The following SLC7A1 variants were observed in gnomAD, a reference collection of about 807,000 sequenced individuals.
The protein encoded by SLC7A1 is solute carrier family 7 member 1.
In SLC7A1, 10 loss-of-function variants were observed where a neutral mutation model predicts 53.9. The observed-to-expected ratio is 0.19, with a 90% CI of 0.11 to 0.31. The LOEUF (loss-of-function observed/expected upper bound fraction) is 0.31. Ranked by LOEUF, SLC7A1 falls within the 10% of genes least tolerant of loss-of-function variation. SLC7A1 has a pLI of 1.00. For synonymous variants in SLC7A1, 342 were observed against 338.7 expected, an observed-to-expected ratio of 1.01 and a Z score of -0.11; for missense variants, 525 against 827.2, an observed-to-expected ratio of 0.63 and a Z score of 4.48.
intron 1 of SLC7A1, among the ~76,000 whole-genome samples, chr13:29,584,311 A>G (rs1871784907): frequency 6.6e-6 from 1 of 151,980 alleles, no homozygotes; most frequent in African/African-American, 2.4e-5. Context: ...ATGCCCAGCT[A>G]ATTTTTTGTA....
intron 11 of SLC7A1, 192 bp downstream of exon 11, chr13:29,516,952 G>C: frequency 2.0e-6 from 1 of 505,926 alleles, no homozygotes; most frequent in Non-Finnish European, 3.4e-6. Context: ...CAGGGGAGAA[G>C]GGCTGCTGCC....
At chr13:29,571,455 C>A (rs564393074) in intron 1 of SLC7A1, among the ~76,000 whole-genome samples, 14 of 152,318 alleles carry the variant, frequency 9.2e-5, no homozygotes, top group Admixed American at 3.3e-4. Flanking sequence ...CTTGGCGGTG[C>A]CTGAATGCAG....
intron 1 of SLC7A1, among the ~76,000 whole-genome samples, chr13:29,581,704 C>G (rs1036563821): frequency 2.0e-5 from 3 of 152,218 alleles, no homozygotes; most frequent in African/African-American, 7.2e-5. Context: ...GCCCCTGAGG[C>G]ACACCCCCAA....
intron 1 of SLC7A1, 32 bp downstream of exon 1, chr13:29,595,384 T>A (rs77871962): frequency 0.019 from 2,864 of 151,706 alleles, 59 homozygotes; most frequent in East Asian, 0.044. Flanking sequence ...CCCAAGGAGC[T>A]GCCCCCTGCG....
At chr13:29,533,144 G>A (rs895765917) in intron 3 of SLC7A1, among the ~76,000 whole-genome samples, 162 bp from the exon 4 acceptor site, 2 of 152,158 alleles carry the variant, frequency 1.3e-5, no homozygotes, top group Admixed American at 6.5e-5. Flanking sequence ...CAGAAGTGAC[G>A]GTCGACTAGT....
At chr13:29,531,958 T>C (rs1017719560) in intron 4 of SLC7A1, among the ~76,000 whole-genome samples, 1 of 152,178 alleles carries the variant, frequency 6.6e-6, no homozygotes, top group South Asian at 2.1e-4. Context: ...AACAACAATA[T>C]ATTGTTTCTT....
intron 1 of SLC7A1, among the ~76,000 whole-genome samples, chr13:29,566,527 G>A (rs1314453940): frequency 6.6e-6 from 1 of 152,224 alleles, no homozygotes; most frequent in Admixed American, 6.5e-5. Flanking sequence ...CAGACATAAA[G>A]GGTCACATTC....
At chr13:29,577,696 C>G (rs1335560485) in intron 1 of SLC7A1, among the ~76,000 whole-genome samples, 2 of 152,212 alleles carry the variant, frequency 1.3e-5, no homozygotes, top group Non-Finnish European at 1.5e-5. Context: ...TGCCACATAG[C>G]CTGTACTTGG....
At chr13:29,572,985 C>G (rs1475105489) in intron 1 of SLC7A1, among the ~76,000 whole-genome samples, 1 of 152,156 alleles carries the variant, frequency 6.6e-6, no homozygotes, top group Admixed American at 6.5e-5. Flanking sequence ...CTGCCACAGA[C>G]AAGTGGCTGG....
rs2776958 is a variant in SLC7A1 at position 29,524,089 on chromosome 13, A to T, written c.826+43T>A. On this transcript the variant is annotated intron_variant, in intron 6 of 12. Transcript: ENST00000380752. ...ATGGCAAGCATTGGCTTGTTTGCCC[A>T]GGGTGCAGGAGGACCCGGGACCGCA... 4 of 1,604,068 alleles carry T rather than the reference A, an allele frequency of 2.5e-6. No homozygotes were observed. The East Asian group carries it at 6.7e-5, about 27-fold the overall frequency.
chr13:29,564,998 A>G (rs57363571), intron 1 of SLC7A1, among the ~76,000 whole-genome samples: 2,185 of 152,356 alleles, frequency 0.014, 55 homozygotes, highest in African/African-American at 0.05. Flanking sequence ...CTACACAAAG[A>G]GATAAATGCA....
At chr13:29,554,773 T>C (rs1259039172) in intron 1 of SLC7A1, among the ~76,000 whole-genome samples, 2 of 152,200 alleles carry the variant, frequency 1.3e-5, no homozygotes, top group Non-Finnish European at 2.9e-5. Flanking sequence ...GCAAACCAGA[T>C]TTCCCACAAT....
intron 1 of SLC7A1, among the ~76,000 whole-genome samples, chr13:29,567,056 G>A (rs1870997216): frequency 6.6e-6 from 1 of 152,176 alleles, no homozygotes; most frequent in Non-Finnish European, 1.5e-5. Flanking sequence ...TGCTTTGAGA[G>A]TTTCACGAGG....
intron 1 of SLC7A1, among the ~76,000 whole-genome samples, chr13:29,569,423 C>G (rs965421940): frequency 3.3e-5 from 5 of 152,170 alleles, no homozygotes; most frequent in African/African-American, 1.2e-4. Flanking sequence ...ACTGCCCATC[C>G]TGAGAATGCA....
rs141349204 is a variant in SLC7A1 at position 29,536,110 on chromosome 13, G to T, written c.79C>A (p.Arg27=). ...KVVDCSREET[R]LSRCLNTFDL... Reference sequence around the variant, plus strand: ...AAAGTGTTCAGGCAGCGAGACAGCCGCGTCTCCTCCCGGCTACAGTCCACC... The same window carrying T: ...AAAGTGTTCAGGCAGCGAGACAGCCTCGTCTCCTCCCGGCTACAGTCCACC... Residue 27 remains arginine, a synonymous_variant, in exon 3 of 13, where the codon CGG becomes AGG. Transcript: ENST00000380752. The T allele has an allele frequency of 2.5e-6, 4 of 1,613,984 alleles. No homozygotes were observed. In the East Asian group the frequency reaches 6.7e-5, roughly 27 times the overall value.
At chr13:29,538,103 T>C (rs1869506402) in intron 2 of SLC7A1, among the ~76,000 whole-genome samples, 1 of 152,180 alleles carries the variant, frequency 6.6e-6, no homozygotes, top group East Asian at 1.9e-4. Context: ...TCATAAAATT[T>C]TGAGCTAGAA....
intron 12 of SLC7A1, among the ~76,000 whole-genome samples, chr13:29,515,900 T>A (rs1222486571): frequency 6.6e-6 from 1 of 152,260 alleles, no homozygotes; most frequent in African/African-American, 2.4e-5. Context: ...AGCAGACTCA[T>A]CACCTTGTTC....
At chr13:29,535,674 C>A in intron 3 of SLC7A1, 145 bp downstream of exon 3, 1 of 783,574 alleles carries the variant, frequency 1.3e-6, no homozygotes. Context: ...CTAAATACCT[C>A]TAAATGAATC....
In SLC7A1 at chr13:29,536,184, C is replaced by G. The variant is rs981098480; in HGVS notation, c.5G>C (p.Gly2Ala). The part of the protein sequence containing the change: M[G>A]CKVLLNIGQQ... ...CCCAATGTTGAGCAGGACTTTGCAC[C>G]CCATGTTGCTGTTCAGAGCTGTTGA... is the stretch of plus-strand genomic sequence containing the variant. The change falls in exon 3 of 13, where the codon GGG (glycine) becomes GCG (alanine). Residue 2 changes from glycine (G) to alanine (A), a missense_variant. Around this residue, in one of 4 missense-constraint regions of SLC7A1, gnomAD observed 354 missense variants for 587.5 expected, o/e 0.60. Coordinates refer to ENST00000380752, the MANE Select transcript of SLC7A1 (RefSeq NM_003045.5). The G allele has an allele frequency of 3.1e-6, 5 of 1,612,026 alleles. No homozygotes were observed. The highest frequency in any genetic ancestry group is 2.2e-5 in the East Asian group (1 of 44,848).
Sources: gnomAD v4.1 joint callset for allele counts (sites outside exome capture counted in the v4.1 genomes callset) on GRCh38, gnomAD v4.1.1 for gene constraint, gnomAD v4.1.1 regional missense constraint, MANE v1.5 for transcripts, NCBI Gene and HGNC (gene_info 2026-07-23, HGNC 2026-07-21) for gene names.